Variants in SLC15A5 observed in about 807,000 individuals in gnomAD.
SLC15A5 encodes Peptide/histidine transporter ENSP00000340402.
In SLC15A5, 58 loss-of-function variants were observed where a neutral mutation model predicts 56.1. The observed-to-expected ratio is 1.03, with a 90% CI of 0.84 to 1.29. SLC15A5 has a LOEUF of 1.29. Among genes scored for constraint, SLC15A5 ranks in the 50% most tolerant of loss-of-function variants. The probability of loss-of-function intolerance (pLI) is 0.00; values close to 1 mark genes in which losing one functional copy is unlikely to be tolerated. For missense variants in SLC15A5, 681 were observed against 672.1 expected (o/e 1.01, Z -0.15); for synonymous variants, 264 against 250.5 (o/e 1.05, Z -0.51).
intron 3 of SLC15A5, among the ~76,000 whole-genome samples, chr12:16,256,913 AATAGATAG>A (rs55965104): frequency 0.59 from 88,005 of 148,394 alleles, 26,788 homozygotes; most frequent in East Asian, 0.88. Context: ...ATGCATGGGG[AATAGATAG>A]ATAGATAGAT....
At chr12:16,198,495 A>G (rs1035954932) in intron 7 of SLC15A5, among the ~76,000 whole-genome samples, 15 of 152,122 alleles carry the variant, frequency 9.9e-5, no homozygotes, top group African/African-American at 3.4e-4. Flanking sequence ...GTGAAACATC[A>G]CTCAGCAGAA....
In SLC15A5 at chr12:16,239,714, TAGAG is replaced by T; in HGVS notation, c.1125_1128del (p.Ser376ArgfsTer22). ...GTTGACAGAAATGATCCAACTCTCT[TAGAG>T]GGAAACAGGCAGGTGCTGAAATACT... On this transcript the variant is annotated frameshift_variant, in exon 5 of 9. Coordinates refer to ENST00000344941, the MANE Select transcript of SLC15A5 (RefSeq NM_001170798.1). LOFTEE classifies it high-confidence loss of function. The T allele has an allele frequency of 6.5e-7, 1 of 1,537,366 alleles. No homozygotes were observed. Among genetic ancestry groups the T allele is most frequent in the South Asian group, 1.2e-5 (1 of 84,046 alleles).
chr12:16,208,391 A>T (rs1591642135), intron 7 of SLC15A5, among the ~76,000 whole-genome samples: 1 of 152,174 alleles, frequency 6.6e-6, no homozygotes, highest in South Asian at 2.1e-4. Flanking sequence ...GAAATAAAGT[A>T]TTAGGTGTGG....
At chr12:16,205,891 T>G (rs1273170241) in intron 7 of SLC15A5, among the ~76,000 whole-genome samples, 1 of 152,142 alleles carries the variant, frequency 6.6e-6, no homozygotes, top group Admixed American at 6.6e-5. Context: ...TGGAATCTCT[T>G]CAAAAGATAG....
At chr12:16,244,866 T>C in intron 3 of SLC15A5, 66 bp from the exon 4 acceptor site, 2 of 1,455,696 alleles carry the variant, frequency 1.4e-6, no homozygotes. Context: ...AAGATGCTGA[T>C]CAGAAAGATA....
At chr12:16,228,632 G>A (rs1864266575) in intron 5 of SLC15A5, among the ~76,000 whole-genome samples, 2 of 152,122 alleles carry the variant, frequency 1.3e-5, no homozygotes, top group African/African-American at 4.8e-5. Flanking sequence ...CTCTGAGACA[G>A]CAAGGCCAAC....
chr12:16,209,899 C>A (rs1241977921), intron 7 of SLC15A5, among the ~76,000 whole-genome samples: 1 of 152,178 alleles, frequency 6.6e-6, no homozygotes, highest in Non-Finnish European at 1.5e-5. Context: ...CATACTGGAT[C>A]CATAATGATC....
chr12:16,256,481 G>A (rs1417029267), intron 3 of SLC15A5, among the ~76,000 whole-genome samples: 1 of 152,168 alleles, frequency 6.6e-6, no homozygotes, highest in African/African-American at 2.4e-5. Flanking sequence ...GGGAAATACA[G>A]AGGGAAAGCA....
chr12:16,268,068 G>A (rs1864713766), intron 2 of SLC15A5, among the ~76,000 whole-genome samples: 1 of 114,238 alleles, frequency 8.8e-6, no homozygotes. Context: ...CCTGACTCAT[G>A]TACCTTTCAA....
chr12:16,270,286 C>G (rs1864737565), intron 2 of SLC15A5, among the ~76,000 whole-genome samples: 1 of 152,122 alleles, frequency 6.6e-6, no homozygotes, highest in Non-Finnish European at 1.5e-5. Flanking sequence ...GGTCCCATAA[C>G]TATGAACATC....
At chr12:16,229,121 A>C (rs1020780911) in intron 5 of SLC15A5, among the ~76,000 whole-genome samples, 2 of 152,164 alleles carry the variant, frequency 1.3e-5, no homozygotes, top group Admixed American at 6.5e-5. Flanking sequence ...CTAACCTATT[A>C]AGCACCCAGC....
chr12:16,231,297 C>T (rs1371307130), intron 5 of SLC15A5, among the ~76,000 whole-genome samples: 2 of 152,134 alleles, frequency 1.3e-5, no homozygotes, highest in Middle Eastern at 3.4e-3. Flanking sequence ...TTTTCTTTCT[C>T]ATTCTAGTTA....
intron 5 of SLC15A5, among the ~76,000 whole-genome samples, chr12:16,234,376 G>C (rs1864327177): frequency 6.6e-6 from 1 of 152,164 alleles, no homozygotes; most frequent in Non-Finnish European, 1.5e-5. Flanking sequence ...GCATATTTTA[G>C]AGTATTTAAG....
In SLC15A5 at chr12:16,277,445, T is replaced by C. The variant is rs921236562; in HGVS notation, c.241A>G (p.Ile81Val). 6 of 1,536,554 alleles carry C rather than the reference T, an allele frequency of 3.9e-6. No individual in the cohort carries two copies. The highest frequency in any genetic ancestry group is 1.2e-5 in the South Asian group (1 of 84,038). ...GTTCCAATAAAACACAAGTTTAAGATGGCTGCTTGGCAATTGTGATAGCCA... is the reference window on the plus strand; with the variant it reads ...GTTCCAATAAAACACAAGTTTAAGACGGCTGCTTGGCAATTGTGATAGCCA... ...KLGYHNCQAA[I>V]LNLCFIGTSI... Residue 81 changes from isoleucine (I) to valine (V), a missense_variant, in exon 1 of 9, where the codon ATC (isoleucine) becomes GTC (valine). By Grantham distance (29) the Ile-to-Val change is conservative. Transcript: ENST00000344941.
chr12:16,264,258 T>A (rs1457342024), intron 2 of SLC15A5, among the ~76,000 whole-genome samples: 1 of 152,132 alleles, frequency 6.6e-6, no homozygotes, highest in African/African-American at 2.4e-5. Context: ...TCAAAGGAGA[T>A]CATTTTGGAG....
At chr12:16,191,615 T>G (rs1040212006) in intron 8 of SLC15A5, among the ~76,000 whole-genome samples, 1 of 152,146 alleles carries the variant, frequency 6.6e-6, no homozygotes, top group Non-Finnish European at 1.5e-5. Context: ...CTTTGCATGC[T>G]TATTGTTCAT....
chr12:16,273,436 G>A (rs1247410204), intron 1 of SLC15A5, among the ~76,000 whole-genome samples: 1 of 152,008 alleles, frequency 6.6e-6, no homozygotes, highest in Non-Finnish European at 1.5e-5. Context: ...GACAAAAGAA[G>A]GTCGAGTATC....
At chr12:16,200,709 G>A (rs1311501293) in intron 7 of SLC15A5, among the ~76,000 whole-genome samples, 1 of 151,810 alleles carries the variant, frequency 6.6e-6, no homozygotes, top group African/African-American at 2.4e-5. Context: ...AAGAGAATGA[G>A]GAAATTGCAT....
intron 3 of SLC15A5, among the ~76,000 whole-genome samples, chr12:16,254,604 G>A (rs1864551346): frequency 6.6e-6 from 1 of 152,050 alleles, no homozygotes; most frequent in Non-Finnish European, 1.5e-5. Context: ...GTTGTTGGAT[G>A]CCTAGACTGA....
Sources: allele counts gnomAD v4.1 joint callset (sites outside exome capture counted in the v4.1 genomes callset), GRCh38; gene constraint gnomAD v4.1.1; transcripts MANE v1.5; gene names NCBI Gene and HGNC (gene_info 2026-07-23, HGNC 2026-07-21).